LRIG1: variants seen among roughly 807,000 people sequenced by gnomAD.
LRIG1 encodes leucine-rich repeats and immunoglobulin-like domains protein 1.
A neutral mutation model predicts 99.2 loss-of-function variants in LRIG1; 48 were observed. That is an observed-to-expected ratio of 0.48 (90% confidence interval 0.38 to 0.62). The LOEUF (loss-of-function observed/expected upper bound fraction) is 0.62. LRIG1 is among the 20% of genes least tolerant of loss of function. The pLI is 0.00. For synonymous variants in LRIG1, 772 were observed against 596.1 expected, an observed-to-expected ratio of 1.29 and a Z score of -4.30; for missense variants, 1,646 against 1,434.4, an observed-to-expected ratio of 1.15 and a Z score of -2.38.
intron 1 of LRIG1, among the ~76,000 whole-genome samples, chr3:66,491,460 C>G (rs1324043391): frequency 6.6e-6 from 1 of 151,812 alleles, no homozygotes; most frequent in African/African-American, 2.4e-5. Context: ...TAAACACCTC[C>G]TACAAAAGAA....
chr3:66,384,390 A>T, intron 13 of LRIG1, 118 bp from the exon 14 acceptor site: 1 of 1,137,614 alleles, frequency 8.8e-7, no homozygotes, highest in Non-Finnish European at 1.3e-6. Context: ...CTTTTCTCCC[A>T]ATGTCTGCCC....
At chr3:66,472,439 C>T (rs3856598) in intron 1 of LRIG1, among the ~76,000 whole-genome samples, 125,060 of 152,038 alleles carry the variant, frequency 0.82, 53,774 homozygotes, top group Non-Finnish European at 0.96. Context: ...ACAGTCACCA[C>T]CCGTAAGTGA....
intron 9 of LRIG1, chr3:66,401,618 G>T: frequency 6.6e-7 from 1 of 1,525,894 alleles, no homozygotes; most frequent in South Asian, 1.2e-5. Context: ...CCTTCCCCCA[G>T]CAGACATATG....
intron 3 of LRIG1, among the ~76,000 whole-genome samples, chr3:66,438,031 T>C (rs1197113624): frequency 6.6e-6 from 1 of 152,152 alleles, no homozygotes; most frequent in Non-Finnish European, 1.5e-5. Context: ...ATTCATGTCT[T>C]CGTCAAATAT....
intron 9 of LRIG1, chr3:66,401,790 C>T (rs905042350): frequency 9.9e-6 from 6 of 608,182 alleles, no homozygotes; most frequent in Non-Finnish European, 1.6e-5. Context: ...TCCCCAGCAC[C>T]AACCTGGAAC....
chr3:66,441,481 G>A (rs1046296170), intron 3 of LRIG1, among the ~76,000 whole-genome samples: 4 of 152,304 alleles, frequency 2.6e-5, no homozygotes, highest in African/African-American at 9.6e-5. Context: ...GAGAGACAGG[G>A]AAAGATAGTA....
intron 1 of LRIG1, among the ~76,000 whole-genome samples, chr3:66,484,282 G>C (rs1002163300): frequency 3.9e-5 from 6 of 152,130 alleles, no homozygotes; most frequent in African/African-American, 1.2e-4. Context: ...ATCTACACTG[G>C]TATCTGTCAC....
rs530200110 is a variant in LRIG1, at chr3:66,384,998, G to A, written c.1790-726C>T. ...TACAGTGTGGTAAAGAAGGTGTTTCGCTGTGATCTGTGGGGGCTTAAAGAG... is the reference window on the plus strand; with the variant it reads ...TACAGTGTGGTAAAGAAGGTGTTTCACTGTGATCTGTGGGGGCTTAAAGAG... On this transcript the variant is annotated intron_variant, in intron 13 of 18. Coordinates refer to ENST00000273261, the MANE Select transcript of LRIG1 (RefSeq NM_015541.3). Among the ~76,000 whole-genome samples, 18 of 152,280 alleles carry A rather than the reference G, an allele frequency of 1.2e-4. No homozygotes were observed. The South Asian group carries it at 2.9e-3, about 25-fold the overall frequency.
intron 6 of LRIG1, among the ~76,000 whole-genome samples, chr3:66,410,566 G>A (rs999171303): frequency 1.4e-4 from 22 of 152,366 alleles, no homozygotes; most frequent in Admixed American, 1.4e-3. Context: ...CCAGGGCTGG[G>A]TGTGGCGGCT....
intron 14 of LRIG1, 70 bp from the exon 15 acceptor site, chr3:66,383,471 G>T: frequency 7.6e-7 from 1 of 1,322,880 alleles, no homozygotes; most frequent in Non-Finnish European, 1.0e-6. Context: ...CCGGTCTTCT[G>T]GACAACGGAC....
intron 3 of LRIG1, among the ~76,000 whole-genome samples, chr3:66,443,715 T>C (rs1464417220): frequency 6.6e-6 from 1 of 152,186 alleles, no homozygotes; most frequent in Non-Finnish European, 1.5e-5. Flanking sequence ...TCCAGGCCCA[T>C]AGGACCCGAT....
At chr3:66,408,334 C>G (rs945916212) in intron 7 of LRIG1, among the ~76,000 whole-genome samples, 1 of 152,122 alleles carries the variant, frequency 6.6e-6, no homozygotes, top group African/African-American at 2.4e-5. Context: ...GGCAGGAGAT[C>G]AAAATTATAT....
chr3:66,380,658 GGC>G lies in LRIG1; in HGVS notation c.2972_2973del (p.Cys991SerfsTer8). On this transcript the variant is annotated frameshift_variant, in exon 18 of 19. Transcript: ENST00000273261. LOFTEE classifies it high-confidence loss of function. ...TGGTTACTGGGGTAGAGCGACCCTT[GGC>G]ACTCGGGGCAGGACCCAGCGGCAGT... ...SRTAAGSCPE[C>X]QGSLYPSNHD... 1 of 1,614,198 alleles carries G rather than the reference GGC, an allele frequency of 6.2e-7. No individual in the cohort carries two copies. Among genetic ancestry groups the G allele is most frequent in the South Asian group, 1.1e-5 (1 of 91,082 alleles).
chr3:66,402,194 CCTCT>C (rs1166002709), intron 9 of LRIG1, among the ~76,000 whole-genome samples: 1 of 152,188 alleles, frequency 6.6e-6, no homozygotes, highest in African/African-American at 2.4e-5. Context: ...ACTAACTGCT[CCTCT>C]CTGCCTGTAA....
chr3:66,397,803 A>G (rs1701911944), intron 11 of LRIG1, among the ~76,000 whole-genome samples: 1 of 152,258 alleles, frequency 6.6e-6, no homozygotes, highest in African/African-American at 2.4e-5. Context: ...TATCCACTTT[A>G]TAGAGGAGAG....
At chr3:66,450,634 T>C (rs1290051464) in intron 3 of LRIG1, among the ~76,000 whole-genome samples, 3 of 152,230 alleles carry the variant, frequency 2.0e-5, no homozygotes, top group Non-Finnish European at 4.4e-5. Flanking sequence ...CTCTTATTAA[T>C]AGCACCTTCT....
chr3:66,463,315 C>T (rs900649810), intron 1 of LRIG1, among the ~76,000 whole-genome samples: 4 of 152,052 alleles, frequency 2.6e-5, no homozygotes, highest in East Asian at 3.8e-4. Flanking sequence ...CTGAATAAAC[C>T]GGGAGGGACA....
At chr3:66,500,035 C>CA (rs1445790500) in intron 1 of LRIG1, among the ~76,000 whole-genome samples, 155 bp downstream of exon 1, 1 of 152,022 alleles carries the variant, frequency 6.6e-6, no homozygotes, top group Middle Eastern at 3.2e-3. Flanking sequence ...TCCCTTCCGC[C>CA]ACTCCAACCT....
chr3:66,410,160 C>T lies in LRIG1; in HGVS notation c.904G>A (p.Gly302Ser), dbSNP rs1418331241. ...TGCAGCTTCTGGCAGAAGCTCCAGCCCTTGCGGTGAATGCGAGCGATGGAA... is the reference window on the plus strand; with the variant it reads ...TGCAGCTTCTGGCAGAAGCTCCAGCTCTTGCGGTGAATGCGAGCGATGGAA... ...NNSIARIHRK[G>S]WSFCQKLHEL... Residue 302 changes from glycine (G) to serine (S), a missense_variant, in exon 7 of 19, where the codon GGC becomes AGC. By Grantham distance (56) the Gly-to-Ser change is moderately conservative. Transcript: ENST00000273261. 8 of 1,613,908 alleles carry T rather than the reference C, an allele frequency of 5.0e-6. No individual in the cohort carries two copies. The highest frequency in any genetic ancestry group is 6.8e-6 in the Non-Finnish European group (8 of 1,179,896).
Sources: allele counts gnomAD v4.1 joint callset (sites outside exome capture counted in the v4.1 genomes callset), GRCh38; gene constraint gnomAD v4.1.1; transcripts MANE v1.5; gene names NCBI Gene and HGNC (gene_info 2026-07-23, HGNC 2026-07-21).